The following TAS1R1 variants were observed in gnomAD, a reference collection of about 807,000 sequenced individuals.
TAS1R1 encodes the protein taste 1 receptor member 1.
TAS1R1 carries 31 observed loss-of-function variants against 45.8 expected under a neutral mutation model. The observed-to-expected ratio is 0.68, with a 90% CI of 0.51 to 0.91. The LOEUF is 0.91. Among genes scored for constraint, TAS1R1 ranks in the 40% least tolerant of loss-of-function variants. The pLI is 0.00. For missense variants in TAS1R1, 1,051 were observed against 1,063.9 expected (o/e 0.99, Z 0.17); for synonymous variants, 437 against 448.4 (o/e 0.97, Z 0.32).
chr1:6,574,569 A>G lies in TAS1R1; in HGVS notation c.499-62A>G, dbSNP rs1174745926. ...CTCCCTGTATCCCCACACCCAGCAC[A>G]GGGCCAGGCACTGGGGGGGCCTTCA... On this transcript the variant is annotated intron_variant, in intron 2 of 5. Coordinates refer to ENST00000333172, the MANE Select transcript of TAS1R1 (RefSeq NM_138697.4). The surrounding 1 kb of genome is among the most constrained non-coding windows in gnomAD (Gnocchi z 4.3). 3 of 1,541,336 alleles carry G rather than the reference A, an allele frequency of 1.9e-6. No individual in the cohort carries two copies. Among genetic ancestry groups the G allele is most frequent in the African/African-American group, 2.7e-5 (2 of 73,276 alleles).
chr1:6,576,316 CCA>C, intron 3 of TAS1R1, 97 bp from the exon 4 acceptor site: 1 of 1,171,540 alleles, frequency 8.5e-7, no homozygotes, highest in East Asian at 2.4e-5. Context: ...TGGGCTGAAA[CCA>C]CCAGGACGGA....
rs1213602070 is a variant in TAS1R1 at position 6,558,037 on chromosome 1, T to TTG, written c.191+2474_191+2475insGT. On this transcript the variant is annotated intron_variant, in intron 1 of 5. Transcript: ENST00000333172. ...AAGGTTAAGCAGGTGTAGTGGTTAGTTTTTGTTTTTGTTTTTGTTTTTTTT... is the reference window on the plus strand; with the variant it reads ...AAGGTTAAGCAGGTGTAGTGGTTAGTTGTTTTGTTTTTGTTTTTGTTTTTTTT... Among the ~76,000 whole-genome samples, 135 of 134,858 alleles carry TTG rather than the reference T, an allele frequency of 1.0e-3. 1 individual carries two copies. Among genetic ancestry groups the TTG allele is most frequent in the African/African-American group, 4.8e-3 (134 of 27,938 alleles). 88.5% of individuals were successfully genotyped at this position (134,858 alleles called of 152,430 possible).
At chr1:6,560,467 T>C (rs544034200) in intron 1 of TAS1R1, among the ~76,000 whole-genome samples, 1 of 152,254 alleles carries the variant, frequency 6.6e-6, no homozygotes, top group African/African-American at 2.4e-5. Flanking sequence ...TGTTTCTGGG[T>C]AAACCCACTT....
intron 1 of TAS1R1, among the ~76,000 whole-genome samples, chr1:6,568,587 T>C (rs569467790): frequency 2.3e-4 from 35 of 152,320 alleles, no homozygotes; most frequent in Non-Finnish European, 4.4e-4. Flanking sequence ...TTGGGAAGTT[T>C]CTTTAAGTTT....
In TAS1R1 at chr1:6,559,689, C is replaced by T. The variant is rs151248973; in HGVS notation, c.191+4125C>T. On this transcript the variant is annotated intron_variant, in intron 1 of 5. Transcript: ENST00000333172. ...AAAAAAAAAAGCCTGAGGTTTTGGCCGGGCGAGGTGGTTCACGCCTGTAAT... is the reference window on the plus strand; with the variant it reads ...AAAAAAAAAAGCCTGAGGTTTTGGCTGGGCGAGGTGGTTCACGCCTGTAAT... Among the ~76,000 whole-genome samples the T allele has an allele frequency of 3.5e-3, 531 of 150,294 alleles. 6 individuals are homozygous for T. The East Asian group carries it at 0.036, about 10-fold the overall frequency.
intron 1 of TAS1R1, among the ~76,000 whole-genome samples, chr1:6,558,346 G>A (rs542124198): frequency 2.6e-5 from 4 of 152,196 alleles, no homozygotes; most frequent in Admixed American, 6.5e-5. Flanking sequence ...TGAATTTTGC[G>A]TGTCAGATTG....
Position 6,579,045 on chromosome 1 carries a change from TC to T in TAS1R1, c.1989del (p.Thr664ProfsTer20). The T allele has an allele frequency of 6.2e-7, 1 of 1,612,934 alleles. No individual in the cohort carries two copies. The highest frequency in any genetic ancestry group is 8.5e-7 in the Non-Finnish European group (1 of 1,179,040). Reference sequence around the variant, plus strand: ...CCAACTAATCATCATCTTCAAGTTTTCCACCAAGGTACCTACATTCTACCAC... The same window carrying T: ...CCAACTAATCATCATCTTCAAGTTTTCACCAAGGTACCTACATTCTACCAC... ...SFQLIIIFKF[S>X]TKVPTFYHAW... On this transcript the variant is annotated frameshift_variant, in exon 6 of 6. Transcript: ENST00000333172. LOFTEE classifies it low-confidence loss of function (END_TRUNC).
chr1:6,562,160 G>A (rs1192447236), intron 1 of TAS1R1, among the ~76,000 whole-genome samples: 1 of 152,058 alleles, frequency 6.6e-6, no homozygotes, highest in African/African-American at 2.4e-5. Flanking sequence ...CACTCCAAAG[G>A]CCAGGAGGGT....
rs925900612 is a variant in TAS1R1 at position 6,579,694 on chromosome 1, C to A, written c.*110C>A. The A allele has an allele frequency of 1.8e-5, 25 of 1,428,158 alleles. No homozygotes were observed. Among genetic ancestry groups the A allele is most frequent in the Admixed American group, 2.6e-5 (1 of 38,124 alleles). The allele number at this position is 1,428,158 out of a possible 1,614,324, so 88.5% of individuals were successfully genotyped here. ...TGGGCATCGCGGTCTGGGGTTGGGACGTGTAAGCGCCTGGGAGAGCCTAGA... is the reference window on the plus strand; with the variant it reads ...TGGGCATCGCGGTCTGGGGTTGGGAAGTGTAAGCGCCTGGGAGAGCCTAGA... On this transcript the variant is annotated 3_prime_UTR_variant, in exon 6 of 6. Transcript: ENST00000333172.
chr1:6,558,963 C>T (rs1639733915), intron 1 of TAS1R1, among the ~76,000 whole-genome samples: 1 of 118,892 alleles, frequency 8.4e-6, no homozygotes, highest in Admixed American at 8.3e-5. Context: ...GCGATCTCGG[C>T]TCACTGCAAG....
At chr1:6,576,778 G>A (rs1640190394) in intron 4 of TAS1R1, 151 bp downstream of exon 4, 1 of 1,398,636 alleles carries the variant, frequency 7.1e-7, no homozygotes, top group East Asian at 2.4e-5. Context: ...AAGCAGGGAA[G>A]ACACTCCGTA....
chr1:6,574,995 T>C lies in TAS1R1; in HGVS notation c.863T>C (p.Val288Ala). Reference sequence around the variant, plus strand: ...GCCAGGGTGTTTTTCGAGTCCGTGGTGCTGACCAACCTGACTGGCAAGGTG... The same window carrying C: ...GCCAGGGTGTTTTTCGAGTCCGTGGCGCTGACCAACCTGACTGGCAAGGTG... ...QLARVFFESV[V>A]LTNLTGKVWV... Residue 288 changes from valine to alanine, a missense_variant, in exon 3 of 6, where the codon GTG becomes GCG. By Grantham distance (64) the Val-to-Ala change is moderately conservative. Coordinates refer to ENST00000333172, the MANE Select transcript of TAS1R1 (RefSeq NM_138697.4). The surrounding 1 kb of genome is among the most constrained non-coding windows in gnomAD (Gnocchi z 4.3). The C allele has an allele frequency of 6.3e-7, 1 of 1,596,940 alleles. No individual in the cohort carries two copies. The highest frequency in any genetic ancestry group is 8.5e-7 in the Non-Finnish European group (1 of 1,169,978).
intron 1 of TAS1R1, among the ~76,000 whole-genome samples, chr1:6,562,460 G>A (rs1015251306): frequency 3.9e-5 from 6 of 152,128 alleles, no homozygotes; most frequent in East Asian, 3.9e-4. Flanking sequence ...GAGCCACCGC[G>A]CCTGCCCAGG....
At position 6,578,845 on chromosome 1, in the gene TAS1R1, T is replaced by C. The variant is rs148892133; in HGVS notation, c.1787T>C (p.Val596Ala). 204 of 1,611,864 alleles carry C rather than the reference T, an allele frequency of 1.3e-4. No individual in the cohort carries two copies. In the African/African-American group the frequency reaches 2.4e-3, roughly 19 times the overall value. ...GLFAWHLDTP[V>A]VRSAGGRLCF... ...TTTGCCTGGCACCTAGACACCCCTG[T>C]GGTGAGGTCAGCAGGGGGCCGCCTG... The change falls in exon 6 of 6, where the codon GTG becomes GCG. Residue 596 changes from valine to alanine, a missense_variant. Transcript: ENST00000333172.
At chr1:6,561,273 A>G (rs1639783358) in intron 1 of TAS1R1, among the ~76,000 whole-genome samples, 1 of 152,240 alleles carries the variant, frequency 6.6e-6, no homozygotes. Context: ...AAGCCCTTTC[A>G]TTTAACCGTT....
At chr1:6,560,986 C>CAAAAAAAAA (rs35928406) in intron 1 of TAS1R1, among the ~76,000 whole-genome samples, 4 of 92,978 alleles carry the variant, frequency 4.3e-5, no homozygotes, top group African/African-American at 1.8e-4. Context: ...GACTCTGTCT[C>CAAAAAAAAA]AAAAAAAAAA....
At chr1:6,566,656 C>T (rs944910162) in intron 1 of TAS1R1, among the ~76,000 whole-genome samples, 2 of 152,130 alleles carry the variant, frequency 1.3e-5, no homozygotes, top group African/African-American at 2.4e-5. Flanking sequence ...ACTGCAGTGG[C>T]GCTATCTCGG....
intron 1 of TAS1R1, among the ~76,000 whole-genome samples, chr1:6,556,704 C>G (rs1315137183): frequency 6.6e-6 from 1 of 151,862 alleles, no homozygotes; most frequent in Non-Finnish European, 1.5e-5. Context: ...GCCCGGCCTG[C>G]TTTTCTTTTA....
intron 1 of TAS1R1, among the ~76,000 whole-genome samples, chr1:6,570,444 C>CAAAAAAA (rs35825229): frequency 1.0e-5 from 1 of 98,590 alleles, no homozygotes. Flanking sequence ...TAACACATCT[C>CAAAAAAA]AAAAAAAAAA....
Sources: gnomAD v4.1 joint callset for allele counts (sites outside exome capture counted in the v4.1 genomes callset) on GRCh38, gnomAD v4.1.1 for gene constraint, Gnocchi (gnomAD v3.1) non-coding constraint, MANE v1.5 for transcripts, NCBI Gene and HGNC (gene_info 2026-07-23, HGNC 2026-07-21) for gene names.